TRIM54: variants seen among roughly 807,000 people sequenced by gnomAD.
TRIM54 encodes tripartite motif containing 54.
TRIM54 carries 40 observed loss-of-function variants against 42.0 expected under a neutral mutation model. The observed-to-expected ratio is 0.95, with a 90% CI of 0.74 to 1.24. The LOEUF (loss-of-function observed/expected upper bound fraction) is 1.24. TRIM54 is among the 50% of genes most tolerant of loss of function. The probability of loss-of-function intolerance (pLI) is 0.00; values close to 1 mark genes in which losing one functional copy is unlikely to be tolerated. For synonymous variants in TRIM54, 199 were observed against 194.9 expected (o/e 1.02, Z -0.17); for missense variants, 485 against 480.3 (o/e 1.01, Z -0.09).
rs1679143660 is a variant in TRIM54 at position 27,304,866 on chromosome 2, G to A, written c.514-93G>A. On this transcript the variant is annotated intron_variant, in intron 3 of 8. Transcript: ENST00000380075. ...TGCCCTTATGGGGGGTGAGGTGGAAGGGCCAGCCCTCTCCTAGGCAACCCT... is the reference window on the plus strand; with the variant it reads ...TGCCCTTATGGGGGGTGAGGTGGAAAGGCCAGCCCTCTCCTAGGCAACCCT... The A allele has an allele frequency of 2.1e-5, 22 of 1,059,466 alleles. No homozygotes were observed. The South Asian group carries it at 3.1e-4, about 15-fold the overall frequency. The allele number at this position is 1,059,466 out of a possible 1,614,324, so 65.6% of individuals were successfully genotyped here.
rs574909698 is a variant in TRIM54, at chr2:27,306,194, G to C, written c.867-19G>C. 6.2e-7 allele frequency: 1 copy of C among 1,613,994 alleles called. No homozygotes were observed. The highest frequency in any genetic ancestry group is 1.1e-5 in the South Asian group (1 of 91,078). On this transcript the variant is annotated intron_variant, in intron 6 of 8. Transcript: ENST00000380075. This position sits in a 1 kb window ranked among gnomAD's most constrained non-coding sequence, Gnocchi z 6.1. ...AGAGTGCTGGGGCATTGCCAGCTGA[G>C]TCCGTGTGGCCACTGCAGGGTCGGG...
At chr2:27,288,136 G>C (rs769237080) in intron 1 of TRIM54, among the ~76,000 whole-genome samples, 1 of 152,148 alleles carries the variant, frequency 6.6e-6, no homozygotes, top group Non-Finnish European at 1.5e-5. Context: ...TTCTCCAAAT[G>C]TCTGGTCTTC....
intron 1 of TRIM54, among the ~76,000 whole-genome samples, chr2:27,283,155 G>GTA (rs1333991281): frequency 1.3e-5 from 2 of 152,186 alleles, no homozygotes; most frequent in Non-Finnish European, 2.9e-5. Context: ...ACCAAGGAAA[G>GTA]TAGACCCTGT....
intron 1 of TRIM54, among the ~76,000 whole-genome samples, chr2:27,287,350 G>A (rs1462279016): frequency 1.3e-5 from 2 of 152,116 alleles, no homozygotes; most frequent in East Asian, 3.9e-4. Flanking sequence ...CCACAGGTGT[G>A]CACCACTATG....
chr2:27,298,823 T>C, intron 2 of TRIM54, 84 bp downstream of exon 2: 7 of 1,433,222 alleles, frequency 4.9e-6, no homozygotes, highest in Non-Finnish European at 6.7e-6. Flanking sequence ...AGGGAGAGAT[T>C]GAAACGGTCA....
intron 1 of TRIM54, among the ~76,000 whole-genome samples, chr2:27,284,202 A>G (rs142840966): frequency 6.6e-6 from 1 of 152,352 alleles, no homozygotes; most frequent in African/African-American, 2.4e-5. Flanking sequence ...TGTCAGTGAC[A>G]TGGAACATCC....
In TRIM54 at chr2:27,306,365, G is replaced by C. The variant is rs1433968676; in HGVS notation, c.991+28G>C. On this transcript the variant is annotated intron_variant, in intron 7 of 8. Transcript: ENST00000380075. This position sits in a 1 kb window ranked among gnomAD's most constrained non-coding sequence, Gnocchi z 6.1. ...GAAGGAGGTGGCCGAGGGCCGCTGAGACGGGTTCGGACCCTCTGTGTGGGG... is the reference window on the plus strand; with the variant it reads ...GAAGGAGGTGGCCGAGGGCCGCTGACACGGGTTCGGACCCTCTGTGTGGGG... The C allele has an allele frequency of 3.1e-6, 5 of 1,613,944 alleles. No homozygotes were observed. The South Asian group carries it at 5.5e-5, about 18-fold the overall frequency.
chr2:27,293,520 A>G (rs1275140214), intron 1 of TRIM54, among the ~76,000 whole-genome samples: 5 of 152,284 alleles, frequency 3.3e-5, no homozygotes, highest in Admixed American at 1.3e-4. Flanking sequence ...TTTCACAGAC[A>G]AACAGGTCAT....
Position 27,298,678 on chromosome 2 carries a change from G to A in TRIM54, c.280G>A (p.Gly94Ser). 2 of 1,614,132 alleles carry A rather than the reference G, an allele frequency of 1.2e-6. No individual in the cohort carries two copies. Among genetic ancestry groups the A allele is most frequent in the South Asian group, 1.1e-5 (1 of 91,082 alleles). The change falls in exon 2 of 9, where the codon GGC becomes AGC. Residue 94 changes from glycine (G) to serine (S), a missense_variant. Coordinates refer to ENST00000380075, the MANE Select transcript of TRIM54 (RefSeq NM_187841.3). ...TGTCCTGGACAGACACGGTGTCTAC[G>A]GCCTGCAGCGAAACCTGCTAGTGGA... is the stretch of plus-strand genomic sequence containing the variant. ...EVVLDRHGVYGLQRNLLVENI... is the reference protein window; with the variant it reads ...EVVLDRHGVYSLQRNLLVENI...
chr2:27,306,625 C>A lies in TRIM54; in HGVS notation c.*1+83C>A. 1.5e-6 allele frequency: 2 copies of A among 1,332,266 alleles called. No individual in the cohort carries two copies. The highest frequency in any genetic ancestry group is 1.5e-5 in the South Asian group (1 of 66,046). The allele number at this position is 1,332,266 out of a possible 1,614,324, so 82.5% of individuals were successfully genotyped here. A position where few individuals can be genotyped will look rare whatever the true frequency, so the allele number is the denominator to read the frequency against. The stretch of plus-strand genomic sequence containing the variant: ...CCTGGCTGGTGTGCTCGCGTCCCCT[C>A]CCCCAGTGATTGCCCTCCCTGCGGG... On this transcript the variant is annotated intron_variant, in intron 8 of 8. Transcript: ENST00000380075. This position sits in a 1 kb window ranked among gnomAD's most constrained non-coding sequence, Gnocchi z 6.1.
chr2:27,295,400 G>A (rs1022509382), intron 1 of TRIM54, among the ~76,000 whole-genome samples: 2 of 152,176 alleles, frequency 1.3e-5, no homozygotes, highest in East Asian at 1.9e-4. Context: ...TCCACCTCCC[G>A]GGTTCAAGCA....
chr2:27,283,784 G>GCACACACACACACACACACA, intron 1 of TRIM54, among the ~76,000 whole-genome samples: 1 of 132,198 alleles, frequency 7.6e-6, no homozygotes, highest in East Asian at 2.2e-4. Context: ...ACACACGCGC[G>GCACACACACACACACACACA]CACACACACA....
chr2:27,292,510 G>A (rs917941987), intron 1 of TRIM54, among the ~76,000 whole-genome samples: 18 of 152,188 alleles, frequency 1.2e-4, no homozygotes, highest in Admixed American at 1.1e-3. Context: ...AAGTTGAGAC[G>A]ACAGAGAGAG....
Position 27,305,167 on chromosome 2 carries a change from G to A in TRIM54, c.609+113G>A. 3 of 955,334 alleles carry A rather than the reference G, an allele frequency of 3.1e-6. No homozygotes were observed. The South Asian group carries it at 4.6e-5, about 15-fold the overall frequency. The allele number at this position is 955,334 out of a possible 1,614,324, so 59.2% of individuals were successfully genotyped here. A position where few individuals can be genotyped will look rare whatever the true frequency, so the allele number is the denominator to read the frequency against. On this transcript the variant is annotated intron_variant, in intron 4 of 8. Transcript: ENST00000380075. ...TCGCCAAACTGGTCTGAAAGTTTCT[G>A]GGGTCCTGGGAGTGGTGGGAGGTGC...
At position 27,307,285 on chromosome 2, in the gene TRIM54, C is replaced by G. The variant is rs1679253618; in HGVS notation, c.*400C>G. On this transcript the variant is annotated 3_prime_UTR_variant, in exon 9 of 9. Coordinates refer to ENST00000380075, the MANE Select transcript of TRIM54 (RefSeq NM_187841.3). The surrounding 1 kb of genome is among the most constrained non-coding windows in gnomAD (Gnocchi z 6.9). ...GCACCTGGCTGACCTGGCTGAAAGC[C>G]GCTGTCTCGGAGCCCCCCACAGCAT... The G allele has an allele frequency of 1.5e-6, 1 of 658,416 alleles. No homozygotes were observed. Among genetic ancestry groups the G allele is most frequent in the South Asian group, 2.0e-5 (1 of 51,120 alleles). 40.8% of individuals were successfully genotyped at this position (658,416 alleles called of 1,614,324 possible). A position where few individuals can be genotyped will look rare whatever the true frequency, so the allele number is the denominator to read the frequency against.
chr2:27,306,005 G>C lies in TRIM54; in HGVS notation c.844-75G>C. ...GCCTTCCCACCTACCCCGCAGGACT[G>C]TGGTGAGATTCAGAAATGGGACTTT... On this transcript the variant is annotated intron_variant, in intron 5 of 8. Coordinates refer to ENST00000380075, the MANE Select transcript of TRIM54 (RefSeq NM_187841.3). The surrounding 1 kb of genome is among the most constrained non-coding windows in gnomAD (Gnocchi z 6.1). 6.3e-7 allele frequency: 1 copy of C among 1,591,504 alleles called. No individual in the cohort carries two copies. Among genetic ancestry groups the C allele is most frequent in the Non-Finnish European group, 8.6e-7 (1 of 1,164,848 alleles).
chr2:27,294,889 C>CAAAAAAA (rs57097129), intron 1 of TRIM54, among the ~76,000 whole-genome samples: 1 of 52,826 alleles, frequency 1.9e-5, no homozygotes. Context: ...GACTCCATCT[C>CAAAAAAA]AAAAAAAAAA....
intron 1 of TRIM54, among the ~76,000 whole-genome samples, chr2:27,294,382 A>G (rs1364664357): frequency 6.6e-6 from 1 of 151,904 alleles, no homozygotes; most frequent in Non-Finnish European, 1.5e-5. Flanking sequence ...TGACCTCCCA[A>G]AGTGTTGGGA....
In TRIM54 at chr2:27,298,585, C is replaced by CATTCGAGG. The variant is rs1440144569; in HGVS notation, c.188_189insTTCGAGGA (p.Gln63HisfsTer41). 6.2e-7 allele frequency: 1 copy of CATTCGAGG among 1,613,994 alleles called. No homozygotes were observed. Among genetic ancestry groups the CATTCGAGG allele is most frequent in the Admixed American group, 1.7e-5 (1 of 60,014 alleles). On this transcript the variant is annotated frameshift_variant, in exon 2 of 9. Coordinates refer to ENST00000380075, the MANE Select transcript of TRIM54 (RefSeq NM_187841.3). LOFTEE classifies it high-confidence loss of function. Reference sequence around the variant, plus strand: ...CCTGCAGGCCTCGAATCCTCTATGGCAGTCCCGGGGCTCCACCACTGTGTC... The same window carrying CATTCGAGG: ...CCTGCAGGCCTCGAATCCTCTATGGCATTCGAGGAGTCCCGGGGCTCCACCACTGTGTC...
Sources: allele counts gnomAD v4.1 joint callset (sites outside exome capture counted in the v4.1 genomes callset), GRCh38; gene constraint gnomAD v4.1.1; non-coding constraint Gnocchi (gnomAD v3.1); transcripts MANE v1.5; gene names NCBI Gene and HGNC (gene_info 2026-07-23, HGNC 2026-07-21).